RSPH10B: variants seen among roughly 807,000 people sequenced by gnomAD.
RSPH10B encodes radial spoke head 10 homolog B.
In RSPH10B, 7 loss-of-function variants were observed where a neutral mutation model predicts 52.5. The ratio of observed to expected loss-of-function variants is 0.13; its 90% CI spans 0.08 to 0.25. The LOEUF (loss-of-function observed/expected upper bound fraction) is 0.25. RSPH10B is among the 10% of genes least tolerant of loss of function. The probability of loss-of-function intolerance (pLI) is 1.00; values close to 1 mark genes in which losing one functional copy is unlikely to be tolerated. For missense variants in RSPH10B, 89 were observed against 542.5 expected, an observed-to-expected ratio of 0.16 and a Z score of 8.30; for synonymous variants, 28 against 193.2, an observed-to-expected ratio of 0.14 and a Z score of 7.09.
At position 5,931,452 on chromosome 7, in the gene RSPH10B, G is replaced by A. The variant is rs1435395014; in HGVS notation, c.2233+1330C>T. On this transcript the variant is annotated intron_variant, in intron 17 of 18. Coordinates refer to ENST00000337579, the Ensembl canonical transcript of RSPH10B. ...CGTCAGAAAAGGGGGAGGGCCAGGC[G>A]CGGTGGCTCACACCTGTAATCCCAG... 1.1e-4 allele frequency among the ~76,000 whole-genome samples: 16 copies of A among 151,638 alleles called. 1 individual carries two copies. Among genetic ancestry groups the A allele is most frequent in the African/African-American group, 1.7e-4 (7 of 41,332 alleles).
Position 5,953,651 on chromosome 7 carries a change from TACTC to T in RSPH10B, c.958-436_958-433del, listed in dbSNP as rs1238067285. Reference sequence around the variant, plus strand: ...GCTTTTCGTTTTGAAAATATGCACTTACTCTACACATAATCAGGCTCCTGGGTCT... The same window carrying T: ...GCTTTTCGTTTTGAAAATATGCACTTTACACATAATCAGGCTCCTGGGTCT... On this transcript the variant is annotated intron_variant, in intron 7 of 18. Coordinates refer to ENST00000337579, the Ensembl canonical transcript of RSPH10B. The T allele has an allele frequency of 2.1e-5, 3 of 145,474 alleles. No individual in the cohort carries two copies. The East Asian group carries it at 6.2e-4, about 30-fold the overall frequency. 9.0% of individuals were successfully genotyped at this position (145,474 alleles called of 1,614,324 possible). A position where few individuals can be genotyped will look rare whatever the true frequency, so the allele number is the denominator to read the frequency against.
intron 13 of RSPH10B, among the ~76,000 whole-genome samples, chr7:5,939,585 AACACACACACAC>A (rs762383240): frequency 8.3e-5 from 3 of 36,208 alleles, no homozygotes; most frequent in South Asian, 1.8e-3. Flanking sequence ...ACCTGTCTCA[AACACACACACAC>A]ACACACACAC....
intron 18 of RSPH10B, among the ~76,000 whole-genome samples, chr7:5,927,078 G>GTGTGTGTGTATA (rs1779519764): frequency 7.7e-6 from 1 of 129,794 alleles, no homozygotes; most frequent in African/African-American, 3.0e-5. Flanking sequence ...ATATGTGTGT[G>GTGTGTGTGTATA]TGTGTGTGTG....
In RSPH10B at chr7:5,941,715, C is replaced by T. The variant is rs868294710; in HGVS notation, c.1758+1609G>A. ...GCCGAGACCTCACCACTGCACTCCA[C>T]CCTGGCAAAAGAGCGAGACTTTGTC... On this transcript the variant is annotated intron_variant, in intron 13 of 18. Coordinates refer to ENST00000337579, the Ensembl canonical transcript of RSPH10B. 6.4e-3 allele frequency among the ~76,000 whole-genome samples: 867 copies of T among 135,822 alleles called. 2 individuals carry two copies. The highest frequency in any genetic ancestry group is 0.022 in the African/African-American group (815 of 36,414). The allele number at this position is 135,822 out of a possible 152,430, so 89.1% of individuals were successfully genotyped here.
At chr7:5,942,912 T>TTATA (rs59583341) in intron 13 of RSPH10B, among the ~76,000 whole-genome samples, 1 of 93,652 alleles carries the variant, frequency 1.1e-5, no homozygotes, top group Non-Finnish European at 2.4e-5. Flanking sequence ...ATATATTTAT[T>TTATA]TATATATATA....
chr7:5,931,423 A>G (rs1779762492), intron 17 of RSPH10B, among the ~76,000 whole-genome samples: 1 of 151,400 alleles, frequency 6.6e-6, no homozygotes, highest in African/African-American at 2.4e-5. Context: ...CCATAGAGAG[A>G]CACCGTCAGA....
intron 13 of RSPH10B, 179 bp downstream of exon 15, chr7:5,943,145 C>G (rs150552320): frequency 0.031 from 42,009 of 1,355,794 alleles, 593 homozygotes; most frequent in Non-Finnish European, 0.037. Context: ...GTTTCTGTTC[C>G]TTCCACGACC....
intron 13 of RSPH10B, among the ~76,000 whole-genome samples, chr7:5,942,906 ATT>A: frequency 2.5e-5 from 3 of 120,158 alleles, no homozygotes; most frequent in African/African-American, 9.2e-5. Flanking sequence ...TTATATATAT[ATT>A]TATTTATATA....
chr7:5,932,031 G>C (rs1376135431), intron 17 of RSPH10B, among the ~76,000 whole-genome samples: 5 of 148,826 alleles, frequency 3.4e-5, no homozygotes, highest in African/African-American at 1.2e-4. Context: ...AAACACCAGG[G>C]CTTGTTTAAT....
intron 13 of RSPH10B, among the ~76,000 whole-genome samples, chr7:5,942,263 G>T: frequency 7.2e-6 from 1 of 138,868 alleles, no homozygotes; most frequent in Non-Finnish European, 1.6e-5. Flanking sequence ...TTCCTTTTTT[G>T]TTTTTTGGGG....
At chr7:5,940,938 TAA>T (rs373507968) in intron 13 of RSPH10B, among the ~76,000 whole-genome samples, 18,622 of 63,314 alleles carry the variant, frequency 0.29, 3,131 homozygotes, top group Admixed American at 0.41. Flanking sequence ...ATAATAATAA[TAA>T]TAATTATTAT....
chr7:5,960,376 G>A, intron 4 of RSPH10B, among the ~76,000 whole-genome samples: 1 of 51,652 alleles, frequency 1.9e-5, no homozygotes, highest in Non-Finnish European at 4.2e-5. Flanking sequence ...TGGCACCATT[G>A]CACTCCCGCC....
upstream of RSPH10B, chr7:5,970,325 C>CT (rs1273966952): frequency 5.2e-5 from 5 of 97,022 alleles, no homozygotes; most frequent in Non-Finnish European, 1.1e-4. Flanking sequence ...TTTCGGTCTT[C>CT]TGTCAGTGAT....
At chr7:5,942,275 A>AT in intron 13 of RSPH10B, among the ~76,000 whole-genome samples, 1 of 136,012 alleles carries the variant, frequency 7.4e-6, no homozygotes, top group South Asian at 2.2e-4. Context: ...TTTTTGGGGG[A>AT]TTTTTTTGGG....
chr7:5,942,823 T>C (rs1371170771), intron 13 of RSPH10B, among the ~76,000 whole-genome samples: 3 of 150,104 alleles, frequency 2.0e-5, no homozygotes, highest in Non-Finnish European at 3.0e-5. Flanking sequence ...GATCACTTCA[T>C]TGCACTCCAG....
At chr7:5,943,208 T>G (rs1358140225) in intron 13 of RSPH10B, 116 bp downstream of exon 15, 1 of 1,542,476 alleles carries the variant, frequency 6.5e-7, no homozygotes, top group Admixed American at 2.0e-5. Context: ...GTCCTGAAAA[T>G]CCAGCCCAGA....
intron 13 of RSPH10B, among the ~76,000 whole-genome samples, chr7:5,941,311 A>G (rs1264448124): frequency 7.0e-6 from 1 of 141,968 alleles, no homozygotes; most frequent in Non-Finnish European, 1.6e-5. Flanking sequence ...CAAAAAAACA[A>G]AACTATTTTC....
chr7:5,943,055 A>G (rs138292443), intron 13 of RSPH10B, among the ~76,000 whole-genome samples: 3,520 of 149,330 alleles, frequency 0.024, 15 homozygotes, highest in Non-Finnish European at 0.036. Flanking sequence ...ATATATATAT[A>G]TGCATGCCAT....
At chr7:5,931,011 G>T in intron 17 of RSPH10B, among the ~76,000 whole-genome samples, 1 of 102,020 alleles carries the variant, frequency 9.8e-6, no homozygotes, top group South Asian at 3.0e-4. Flanking sequence ...TCAGCTCACT[G>T]CAACCTCTGC....
Sources: gnomAD v4.1 joint callset for allele counts (sites outside exome capture counted in the v4.1 genomes callset) on GRCh38, gnomAD v4.1.1 for gene constraint, MANE v1.5 for transcripts, NCBI Gene and HGNC (gene_info 2026-07-23, HGNC 2026-07-21) for gene names.